ZHX3: variants seen among roughly 807,000 people sequenced by gnomAD.
ZHX3 encodes zinc fingers and homeoboxes 3.
ZHX3 carries 20 observed loss-of-function variants against 64.5 expected under a neutral mutation model. The observed-to-expected ratio is 0.31, with a 90% CI of 0.22 to 0.45. The LOEUF is 0.45. Ranked by LOEUF, ZHX3 falls within the 20% of genes least tolerant of loss-of-function variation. The probability of loss-of-function intolerance (pLI) is 1.00; values close to 1 mark genes in which losing one functional copy is unlikely to be tolerated. For missense variants in ZHX3, 1,041 were observed against 1,195.8 expected (o/e 0.87, Z 1.91); for synonymous variants, 423 against 461.6 (o/e 0.92, Z 1.07).
chr20:41,285,707 T>C (rs2043904066), intron 1 of ZHX3, among the ~76,000 whole-genome samples: 2 of 152,220 alleles, frequency 1.3e-5, no homozygotes, highest in South Asian at 2.1e-4. Flanking sequence ...GGGTCAAAAC[T>C]TCCCAGGTTC....
At chr20:41,213,292 T>A (rs2039295201) in intron 2 of ZHX3, among the ~76,000 whole-genome samples, 2 of 152,142 alleles carry the variant, frequency 1.3e-5, no homozygotes, top group Non-Finnish European at 2.9e-5. Flanking sequence ...CAACTCTGAA[T>A]ATGATAAAAA....
chr20:41,253,766 G>A (rs6102324), intron 2 of ZHX3, among the ~76,000 whole-genome samples: 1 of 151,870 alleles, frequency 6.6e-6, no homozygotes, highest in Non-Finnish European at 1.5e-5. Flanking sequence ...TCTACTTAGC[G>A]ATAAAACATG....
chr20:41,241,043 G>T (rs2146448277), intron 2 of ZHX3, among the ~76,000 whole-genome samples: 1 of 152,146 alleles, frequency 6.6e-6, no homozygotes, highest in East Asian at 1.9e-4. Context: ...CAGTGGGATG[G>T]CTGGATTGTA....
At chr20:41,273,622 A>G (rs983615434) in intron 1 of ZHX3, among the ~76,000 whole-genome samples, 6 of 152,196 alleles carry the variant, frequency 3.9e-5, no homozygotes, top group Non-Finnish European at 5.9e-5. Context: ...TCCTTTCCCC[A>G]GTGAATCATC....
intron 2 of ZHX3, among the ~76,000 whole-genome samples, chr20:41,230,360 C>G (rs1482756640): frequency 1.3e-5 from 2 of 152,108 alleles, no homozygotes; most frequent in African/African-American, 4.8e-5. Flanking sequence ...CTGAAAGCTC[C>G]TCTCCTCTTG....
intron 2 of ZHX3, among the ~76,000 whole-genome samples, chr20:41,205,444 A>G (rs2038624060): frequency 1.3e-5 from 2 of 152,110 alleles, no homozygotes; most frequent in African/African-American, 4.8e-5. Context: ...TCTTGTTTAC[A>G]TTTTGGACCA....
chr20:41,195,920 T>G lies in ZHX3; in HGVS notation c.2860+6137A>C, dbSNP rs1308913721. On this transcript the variant is annotated intron_variant, in intron 3 of 3. Transcript: ENST00000683867. This position sits in a 1 kb window ranked among gnomAD's most constrained non-coding sequence, Gnocchi z 4.2. ...TGTATTTCCACTTTTTTATTTTCAA[T>G]GTCTAGTTTCATTCCACTGTAACTG... is the stretch of plus-strand genomic sequence containing the variant. Among the ~76,000 whole-genome samples, 1 of 152,170 alleles carries G rather than the reference T, an allele frequency of 6.6e-6. No homozygotes were observed. Among genetic ancestry groups the G allele is most frequent in the Non-Finnish European group, 1.5e-5 (1 of 68,028 alleles).
chr20:41,209,798 G>C (rs192607863), intron 2 of ZHX3, among the ~76,000 whole-genome samples: 1 of 152,306 alleles, frequency 6.6e-6, no homozygotes, highest in East Asian at 1.9e-4. Flanking sequence ...AGGACTTCAT[G>C]TCTAAAACAC....
chr20:41,270,560 C>T (rs1485540804), intron 1 of ZHX3, among the ~76,000 whole-genome samples: 1 of 151,684 alleles, frequency 6.6e-6, no homozygotes, highest in Non-Finnish European at 1.5e-5. Context: ...CCTGTAGTCC[C>T]AGCTACTCGG....
At chr20:41,274,659 G>C (rs1388474016) in intron 1 of ZHX3, among the ~76,000 whole-genome samples, 1 of 152,134 alleles carries the variant, frequency 6.6e-6, no homozygotes, top group African/African-American at 2.4e-5. Context: ...ACTCGCAATT[G>C]CAAGGAAAGT....
intron 2 of ZHX3, among the ~76,000 whole-genome samples, chr20:41,207,652 C>G (rs1001941588): frequency 6.6e-6 from 1 of 152,236 alleles, no homozygotes; most frequent in African/African-American, 2.4e-5. Context: ...CCAATGAGAA[C>G]AAAGACACAA....
intron 1 of ZHX3, among the ~76,000 whole-genome samples, chr20:41,291,285 C>T (rs2044224684): frequency 6.6e-6 from 1 of 152,028 alleles, no homozygotes; most frequent in Non-Finnish European, 1.5e-5. Context: ...GAAGTCACAA[C>T]AAATCTTAAA....
chr20:41,212,920 C>CA lies in ZHX3; in HGVS notation c.-150-7855dup, dbSNP rs1390841471. ...CCCAAAATATGTACACAAATGTTCA[C>CA]AGCAGCATTATTCAAATAATGGCCA... On this transcript the variant is annotated intron_variant, in intron 2 of 3. Coordinates refer to ENST00000683867, the MANE Select transcript of ZHX3 (RefSeq NM_001384317.1). This position sits in a 1 kb window ranked among gnomAD's most constrained non-coding sequence, Gnocchi z 4.3. Among the ~76,000 whole-genome samples, 3 of 152,042 alleles carry CA rather than the reference C, an allele frequency of 2.0e-5. No individual in the cohort carries two copies. Among genetic ancestry groups the CA allele is most frequent in the Non-Finnish European group, 4.4e-5 (3 of 68,028 alleles).
intron 3 of ZHX3, among the ~76,000 whole-genome samples, chr20:41,187,049 G>A (rs936270663): frequency 3.9e-5 from 6 of 152,018 alleles, no homozygotes; most frequent in Non-Finnish European, 7.4e-5. Flanking sequence ...CTGGCCAGAT[G>A]GGGTGGCTTG....
chr20:41,275,369 T>C (rs906759888), intron 1 of ZHX3, among the ~76,000 whole-genome samples: 1 of 152,100 alleles, frequency 6.6e-6, no homozygotes, highest in Non-Finnish European at 1.5e-5. Flanking sequence ...AACGTAAAAT[T>C]TGAATTTCTG....
intron 2 of ZHX3, among the ~76,000 whole-genome samples, chr20:41,264,385 CAA>C (rs1165922837): frequency 1.3e-5 from 1 of 74,502 alleles, no homozygotes. Context: ...ACCAAAAATA[CAA>C]AAAAAAAAAA....
At chr20:41,308,369 C>T (rs1343279292) in intron 1 of ZHX3, among the ~76,000 whole-genome samples, 2 of 152,132 alleles carry the variant, frequency 1.3e-5, no homozygotes, top group Non-Finnish European at 2.9e-5. Context: ...TGGTAGGTGA[C>T]TGGAATGCAA....
At chr20:41,198,922 T>C (rs2037992157) in intron 3 of ZHX3, among the ~76,000 whole-genome samples, 1 of 152,008 alleles carries the variant, frequency 6.6e-6, no homozygotes, top group South Asian at 2.1e-4. Context: ...TTCCTAAATA[T>C]TTTTTTTCTT....
Position 41,185,595 on chromosome 20 carries a change from C to T in ZHX3, c.2861-394G>A, listed in dbSNP as rs1036149068. The T allele has an allele frequency of 2.8e-5, 9 of 322,532 alleles. No homozygotes were observed. The highest frequency in any genetic ancestry group is 1.9e-4 in the African/African-American group (9 of 47,256). The allele number at this position is 322,532 out of a possible 1,614,324, so 20.0% of individuals were successfully genotyped here. On this transcript the variant is annotated intron_variant, in intron 3 of 3. Transcript: ENST00000683867. The surrounding 1 kb of genome is among the most constrained non-coding windows in gnomAD (Gnocchi z 5.0). Reference sequence around the variant, plus strand: ...CCAGGCTCTCCAGAACATACTGTTCCAATATAATAGCAGCTGGGTCTAGTT... The same window carrying T: ...CCAGGCTCTCCAGAACATACTGTTCTAATATAATAGCAGCTGGGTCTAGTT...
Sources: gnomAD v4.1 joint callset for allele counts (sites outside exome capture counted in the v4.1 genomes callset) on GRCh38, gnomAD v4.1.1 for gene constraint, Gnocchi (gnomAD v3.1) non-coding constraint, MANE v1.5 for transcripts, NCBI Gene and HGNC (gene_info 2026-07-23, HGNC 2026-07-21) for gene names.